SMAD2: variants seen among roughly 807,000 people sequenced by gnomAD.
SMAD2 encodes the protein MAD homolog 2.
In SMAD2, 8 loss-of-function variants were observed where a neutral mutation model predicts 64.4. That is an observed-to-expected ratio of 0.12 (90% CI 0.07 to 0.22). The LOEUF (loss-of-function observed/expected upper bound fraction) is 0.22. Ranked by LOEUF, SMAD2 falls within the 10% of genes least tolerant of loss-of-function variation. The pLI is 1.00. For missense variants in SMAD2, 289 were observed against 561.2 expected (o/e 0.51, Z 4.90); for synonymous variants, 203 against 195.8 (o/e 1.04, Z -0.31).
At chr18:47,869,884 T>C (rs2031827110) in intron 3 of SMAD2, among the ~76,000 whole-genome samples, 1 of 152,170 alleles carries the variant, frequency 6.6e-6, no homozygotes, top group Non-Finnish European at 1.5e-5. Flanking sequence ...AGTAACTTCC[T>C]CAGACTACTG....
chr18:47,844,486 A>G (rs1235871888), intron 10 of SMAD2, among the ~76,000 whole-genome samples: 1 of 152,194 alleles, frequency 6.6e-6, no homozygotes, highest in Non-Finnish European at 1.5e-5. Flanking sequence ...AATCCAATCT[A>G]TTGTTTAATT....
At chr18:47,864,955 G>A (rs565316226) in intron 6 of SMAD2, 104 bp downstream of exon 6, 34 of 729,990 alleles carry the variant, frequency 4.7e-5, no homozygotes, top group African/African-American at 3.1e-4. Context: ...TTTGGTATGC[G>A]TCTCAACTTC....
At position 47,839,514 on chromosome 18, in the gene SMAD2, C is replaced by T. The variant is rs921508929; in HGVS notation, c.*2313G>A. On this transcript the variant is annotated 3_prime_UTR_variant, in exon 11 of 11. Coordinates refer to ENST00000262160, the MANE Select transcript of SMAD2 (RefSeq NM_005901.6). The stretch of plus-strand genomic sequence containing the variant: ...AAGTCTGGAAGCAAGCAGCAGGGCA[C>T]TAAAACAGTGAGAGCTTACACAACA... 1 of 233,122 alleles carries T rather than the reference C, an allele frequency of 4.3e-6. No individual in the cohort carries two copies. Among genetic ancestry groups the T allele is most frequent in the Admixed American group, 5.6e-5 (1 of 17,774 alleles). 14.4% of individuals were successfully genotyped at this position (233,122 alleles called of 1,614,324 possible).
At chr18:47,912,226 GT>G (rs1329859188) in intron 1 of SMAD2, 1 of 152,234 alleles carries the variant, frequency 6.6e-6, no homozygotes, top group Non-Finnish European at 1.5e-5. Flanking sequence ...AATAAGGCCA[GT>G]GCAGATTAAA....
chr18:47,815,893 T>C lies in SMAD2; in HGVS notation c.*25934A>G, dbSNP rs955035973. ...GTTTAAGTTTTCAGAGGAGGAATAA[T>C]TGACCTATGTATGAGTTCTAGAGAA... On this transcript the variant is annotated 3_prime_UTR_variant, in exon 11 of 11. Transcript: ENST00000262160. The C allele has an allele frequency of 2.0e-5, 3 of 152,334 alleles. No individual in the cohort carries two copies. The highest frequency in any genetic ancestry group is 1.9e-4 in the East Asian group (1 of 5,182). 9.4% of individuals were successfully genotyped at this position (152,334 alleles called of 1,614,324 possible).
intron 6 of SMAD2, among the ~76,000 whole-genome samples, chr18:47,863,044 TA>T (rs2144356500): frequency 6.6e-6 from 1 of 152,266 alleles, no homozygotes; most frequent in South Asian, 2.1e-4. Flanking sequence ...TTATTATGCC[TA>T]ATTTATCCTC....
rs1304960077 is a variant in SMAD2, at chr18:47,833,872, AT to A, written c.*7954del. On this transcript the variant is annotated 3_prime_UTR_variant, in exon 11 of 11. Transcript: ENST00000262160. ...CTGCAACAATTGGTTTCCTTTTACT[AT>A]GAAAAATGTAAATTTCAGATTAAGT... is the stretch of plus-strand genomic sequence containing the variant. The A allele has an allele frequency of 8.7e-6, 2 of 229,046 alleles. No homozygotes were observed. The highest frequency in any genetic ancestry group is 1.7e-5 in the Non-Finnish European group (2 of 115,442). The allele number at this position is 229,046 out of a possible 1,614,324, so 14.2% of individuals were successfully genotyped here.
chr18:47,928,640 T>G (rs1166724684), intron 1 of SMAD2, among the ~76,000 whole-genome samples: 2 of 152,336 alleles, frequency 1.3e-5, no homozygotes, highest in Admixed American at 1.3e-4. Flanking sequence ...TTCATGAAAC[T>G]TACAGACTGT....
chr18:47,886,194 T>C (rs561210462), intron 2 of SMAD2, among the ~76,000 whole-genome samples: 8 of 152,330 alleles, frequency 5.3e-5, no homozygotes, highest in Non-Finnish European at 8.8e-5. Context: ...TTGACTTTGA[T>C]TGTAAAAGTT....
intron 1 of SMAD2, among the ~76,000 whole-genome samples, chr18:47,913,140 C>CAA (rs1228025943): frequency 6.6e-6 from 1 of 152,144 alleles, no homozygotes; most frequent in Non-Finnish European, 1.5e-5. Flanking sequence ...AGGCTGGTCT[C>CAA]AAACTCCTGA....
intron 6 of SMAD2, among the ~76,000 whole-genome samples, chr18:47,864,128 A>G (rs1249089421): frequency 6.6e-6 from 1 of 152,178 alleles, no homozygotes; most frequent in Admixed American, 6.5e-5. Flanking sequence ...ATATGTGGAA[A>G]GTCAAATATT....
At chr18:47,923,770 G>A (rs562723355) in intron 1 of SMAD2, 1 of 152,202 alleles carries the variant, frequency 6.6e-6, no homozygotes, top group East Asian at 1.9e-4. Flanking sequence ...CTCTCTAAAG[G>A]CTTTCTAGTT....
rs2031784165 is a variant in SMAD2 at position 47,869,303 on chromosome 18, T to G, written c.460A>C (p.Asn154His). 1 of 1,613,752 alleles carries G rather than the reference T, an allele frequency of 6.2e-7. No individual in the cohort carries two copies. Among genetic ancestry groups the G allele is most frequent in the East Asian group, 2.2e-5 (1 of 44,874 alleles). ...KAIENCEYAF[N>H]LKKDEVCVNP... ...ACACATACTTCATCCTTTTTAAGAT[T>G]AAAAGCATATTCGCAGTTTTCAATT... Residue 154 changes from asparagine (N) to histidine (H), a missense_variant, in exon 4 of 11, where the codon AAT (asparagine) becomes CAT (histidine). Asn to His is a moderately conservative substitution (Grantham distance 68, BLOSUM62 1). This residue lies in a region of SMAD2 where 119 missense variants were observed against 156.7 expected (regional missense o/e 0.76). Transcript: ENST00000262160.
intron 6 of SMAD2, among the ~76,000 whole-genome samples, chr18:47,857,079 G>A (rs544225490): frequency 2.6e-5 from 4 of 151,868 alleles, no homozygotes; most frequent in Non-Finnish European, 2.9e-5. Flanking sequence ...GGATGGTCTC[G>A]ATCTCCTGAC....
chr18:47,899,840 C>A (rs1429250174), intron 1 of SMAD2, among the ~76,000 whole-genome samples: 2 of 152,158 alleles, frequency 1.3e-5, no homozygotes, highest in Admixed American at 1.3e-4. Flanking sequence ...CTGCATGTCA[C>A]CCTACTACTA....
intron 2 of SMAD2, among the ~76,000 whole-genome samples, chr18:47,886,574 T>C (rs752063803): frequency 2.9e-4 from 21 of 71,916 alleles, no homozygotes; most frequent in Non-Finnish European, 5.6e-4. Flanking sequence ...TCTATCCATC[T>C]ATCTATCTAT....
intron 6 of SMAD2, among the ~76,000 whole-genome samples, chr18:47,852,208 GT>G (rs2030174873): frequency 6.6e-6 from 1 of 152,048 alleles, no homozygotes; most frequent in Non-Finnish European, 1.5e-5. Context: ...TCTTCTTATG[GT>G]ATGAGCTACA....
At chr18:47,879,501 T>TGTGTGTGTGTGTGC (rs1555653724) in intron 2 of SMAD2, among the ~76,000 whole-genome samples, 15 of 145,090 alleles carry the variant, frequency 1.0e-4, no homozygotes, top group Admixed American at 1.0e-3. Flanking sequence ...ATGACGTGTG[T>TGTGTGTGTGTGTGC]GTGTGTGTGT....
In SMAD2 at chr18:47,869,391, T is replaced by C. The variant is rs199707270; in HGVS notation, c.372A>G (p.Pro124=). 1.9e-6 allele frequency: 3 copies of C among 1,612,252 alleles called. No homozygotes were observed. Among genetic ancestry groups the C allele is most frequent in the African/African-American group, 2.7e-5 (2 of 74,464 alleles). ...GCCATAATCGGCAATATATAACATG[T>C]GGCAATCCTTTTCGATGGGATACCT... ...RLQVSHRKGL[P]HVIYCRLWRW... Residue 124 remains proline (P), a synonymous_variant, in exon 4 of 11, where the codon CCA becomes CCG. Coordinates refer to ENST00000262160, the MANE Select transcript of SMAD2 (RefSeq NM_005901.6).
Sources: gnomAD v4.1 joint callset for allele counts (sites outside exome capture counted in the v4.1 genomes callset) on GRCh38, gnomAD v4.1.1 for gene constraint, gnomAD v4.1.1 regional missense constraint, MANE v1.5 for transcripts, NCBI Gene and HGNC (gene_info 2026-07-23, HGNC 2026-07-21) for gene names.